STAU2: variants seen among roughly 807,000 people sequenced by gnomAD.
STAU2 encodes double-stranded RNA-binding protein Staufen homolog 2.
A neutral mutation model predicts 65.9 loss-of-function variants in STAU2; 20 were observed. The observed-to-expected ratio is 0.30, with a 90% CI of 0.21 to 0.44. The LOEUF (loss-of-function observed/expected upper bound fraction) is 0.44. STAU2 is among the 20% of genes least tolerant of loss of function. STAU2 has a pLI of 1.00. For synonymous variants in STAU2, 232 were observed against 233.9 expected, an observed-to-expected ratio of 0.99 and a Z score of 0.07; for missense variants, 558 against 683.9, an observed-to-expected ratio of 0.82 and a Z score of 2.05.
At chr8:73,613,695 A>T in intron 9 of STAU2, 49 bp downstream of exon 9, 1 of 1,425,754 alleles carries the variant, frequency 7.0e-7, no homozygotes, top group Non-Finnish European at 9.6e-7. Context: ...TATAGCTACT[A>T]TAATATTTAT....
At chr8:73,709,965 T>C (rs561331197) in intron 3 of STAU2, among the ~76,000 whole-genome samples, 111 of 152,244 alleles carry the variant, frequency 7.3e-4, no homozygotes, top group African/African-American at 2.6e-3. Context: ...TATATAAATC[T>C]AGCACATTAA....
At chr8:73,457,497 T>C (rs941459629) in intron 13 of STAU2, among the ~76,000 whole-genome samples, 2 of 152,224 alleles carry the variant, frequency 1.3e-5, no homozygotes, top group Non-Finnish European at 2.9e-5. Context: ...GGTGATGCTG[T>C]CACAAGGGAA....
chr8:73,658,940 C>A (rs375291578), intron 6 of STAU2, among the ~76,000 whole-genome samples: 9,129 of 50,512 alleles, frequency 0.18, 333 homozygotes, highest in East Asian at 0.33. Flanking sequence ...ACAACAAAAA[C>A]AACAAAAAAA....
At chr8:73,732,084 G>A (rs540593809) in intron 3 of STAU2, among the ~76,000 whole-genome samples, 1 of 152,356 alleles carries the variant, frequency 6.6e-6, no homozygotes, top group Non-Finnish European at 1.5e-5. Context: ...GATGTCAGCA[G>A]GACAGATGTT....
intron 6 of STAU2, chr8:73,652,887 G>C (rs1816011018): frequency 6.6e-6 from 1 of 151,854 alleles, no homozygotes; most frequent in Non-Finnish European, 1.5e-5. Context: ...TCAAAATGCA[G>C]ATCCTTAGCA....
intron 12 of STAU2, among the ~76,000 whole-genome samples, chr8:73,579,896 A>T (rs964327982): frequency 6.6e-6 from 1 of 152,210 alleles, no homozygotes; most frequent in Non-Finnish European, 1.5e-5. Context: ...AAAACCATTT[A>T]AACTATTTTC....
rs78063631 is a variant in STAU2 at position 73,714,970 on chromosome 8, A to G, written c.-17-5808T>C. On this transcript the variant is annotated intron_variant, in intron 3 of 14. Transcript: ENST00000524300. The stretch of plus-strand genomic sequence containing the variant: ...ATGGCGGGTGCCTGTAATCCCAGCT[A>G]CTCAGGAGGCTGAGGCGAGAGAATC... Among the ~76,000 whole-genome samples the G allele has an allele frequency of 4.0e-3, 608 of 151,638 alleles. 15 individuals carry two copies. In the East Asian group the frequency reaches 0.081, roughly 20 times the overall value.
intron 13 of STAU2, among the ~76,000 whole-genome samples, chr8:73,541,535 A>G (rs189670754): frequency 3.2e-4 from 49 of 152,330 alleles, no homozygotes; most frequent in African/African-American, 1.2e-3. Context: ...TCCATTTTTC[A>G]AACAGAAACT....
chr8:73,451,408 G>C (rs1456943536), intron 13 of STAU2, among the ~76,000 whole-genome samples: 1 of 152,044 alleles, frequency 6.6e-6, no homozygotes, highest in Non-Finnish European at 1.5e-5. Flanking sequence ...AGCTCAGTTG[G>C]GGAAACTCAC....
chr8:73,447,802 C>G (rs60783419), intron 13 of STAU2, among the ~76,000 whole-genome samples: 6,937 of 152,172 alleles, frequency 0.046, 202 homozygotes, highest in African/African-American at 0.082. Context: ...TTTCCTCCCC[C>G]CTCTGGGTGG....
intron 4 of STAU2, among the ~76,000 whole-genome samples, chr8:73,689,354 T>C (rs919349827): frequency 6.6e-6 from 1 of 152,216 alleles, no homozygotes; most frequent in African/African-American, 2.4e-5. Context: ...ATTTCTCAAA[T>C]CTTCTTCCTC....
chr8:73,617,548 G>T, intron 6 of STAU2, 97 bp from the exon 7 acceptor site: 3 of 1,193,906 alleles, frequency 2.5e-6, no homozygotes, highest in Non-Finnish European at 3.5e-6. Context: ...TATATAATGT[G>T]CTATACTCTT....
At chr8:73,724,653 TTGTGTGTGTG>T (rs369351905) in intron 3 of STAU2, among the ~76,000 whole-genome samples, 1 of 100,088 alleles carries the variant, frequency 1.0e-5, no homozygotes, top group Non-Finnish European at 2.1e-5. Flanking sequence ...GTTCAGTAGG[TTGTGTGTGTG>T]TGTGTGTGTG....
intron 13 of STAU2, among the ~76,000 whole-genome samples, chr8:73,499,162 A>C (rs78715757): frequency 0.025 from 3,816 of 151,864 alleles, 149 homozygotes; most frequent in African/African-American, 0.086. Context: ...CCTGCACTAT[A>C]GATTTTGCAC....
intron 3 of STAU2, chr8:73,732,600 G>A (rs766509351): frequency 2.0e-5 from 3 of 152,038 alleles, no homozygotes; most frequent in Non-Finnish European, 2.9e-5. Context: ...ATATTCTATG[G>A]CTACAAGAGA....
intron 6 of STAU2, among the ~76,000 whole-genome samples, chr8:73,639,537 G>A (rs1042454284): frequency 1.3e-5 from 2 of 152,080 alleles, no homozygotes; most frequent in African/African-American, 4.8e-5. Context: ...CTAATGAGCC[G>A]TACTTGGTAC....
intron 13 of STAU2, among the ~76,000 whole-genome samples, chr8:73,500,957 A>G (rs939370029): frequency 1.3e-5 from 2 of 151,928 alleles, no homozygotes; most frequent in African/African-American, 4.8e-5. Context: ...AGACAACTTT[A>G]CTCATTTCAA....
At chr8:73,616,536 C>T (rs905676794) in intron 7 of STAU2, among the ~76,000 whole-genome samples, 4 of 152,090 alleles carry the variant, frequency 2.6e-5, no homozygotes, top group Admixed American at 1.3e-4. Context: ...TGGTGGCTCA[C>T]GCCTGTAATC....
intron 9 of STAU2, among the ~76,000 whole-genome samples, chr8:73,609,666 T>G (rs772851827): frequency 5.7e-4 from 87 of 151,670 alleles, no homozygotes; most frequent in Non-Finnish European, 1.0e-3. Context: ...TAAAAAAAAA[T>G]TAAATTAATT....
Sources: gnomAD v4.1 joint callset for allele counts (sites outside exome capture counted in the v4.1 genomes callset) on GRCh38, gnomAD v4.1.1 for gene constraint, MANE v1.5 for transcripts, NCBI Gene and HGNC (gene_info 2026-07-23, HGNC 2026-07-21) for gene names.